STARD5: variants seen among roughly 807,000 people sequenced by gnomAD.
The protein encoded by STARD5 is StAR related lipid transfer domain containing 5, also known as stAR-related lipid transfer protein 5.
STARD5 carries 26 observed loss-of-function variants against 24.6 expected under a neutral mutation model. The ratio of observed to expected loss-of-function variants is 1.06; its 90% CI spans 0.77 to 1.47. STARD5 has a LOEUF of 1.47. Among genes scored for constraint, STARD5 ranks in the 40% most tolerant of loss-of-function variants. The pLI, the probability that STARD5 is intolerant of heterozygous loss-of-function variation, is 0.00. For synonymous variants in STARD5, 101 were observed against 99.7 expected (o/e 1.01, Z -0.07); for missense variants, 254 against 270.8 (o/e 0.94, Z 0.44).
In STARD5 at chr15:81,324,031, G is replaced by A. The variant is rs779975292; in HGVS notation, c.69C>T (p.Asp23=). 1 of 1,603,976 alleles carries A rather than the reference G, an allele frequency of 6.2e-7. No homozygotes were observed. The highest frequency in any genetic ancestry group is 8.5e-7 in the Non-Finnish European group (1 of 1,175,156). The change falls in exon 1 of 6, where the codon GAC becomes GAT. Residue 23 remains aspartate, a synonymous_variant. Transcript: ENST00000302824. ...CCCGGCAAATCTTCCAGCCTGCTGT[G>A]TCCCGCCGGTACTGGAGCATCTTCT... ...VAEKMLQYRR[D]TAGWKICREG... is the part of the protein sequence containing the mutation.
rs143789300 is a variant in STARD5 at position 81,322,860 on chromosome 15, C to T, written c.149+39G>A. 424 of 1,612,716 alleles carry T rather than the reference C, an allele frequency of 2.6e-4. 1 individual carries two copies. In the African/African-American group the frequency reaches 5.0e-3, roughly 19 times the overall value. ...GCCCATAAAGATACCAGGAAGGGTG[C>T]GGCACCTCTGGTAATCTTTGAACGA... On this transcript the variant is annotated intron_variant, in intron 2 of 5. Transcript: ENST00000302824.
At chr15:81,314,904 A>C (rs1467760216) in intron 5 of STARD5, among the ~76,000 whole-genome samples, 1 of 149,848 alleles carries the variant, frequency 6.7e-6, no homozygotes, top group East Asian at 1.9e-4. Context: ...AAAAAAAAAA[A>C]AAAAAAAAAA....
chr15:81,319,310 G>C, intron 4 of STARD5, 29 bp downstream of exon 4: 1 of 1,574,056 alleles, frequency 6.4e-7, no homozygotes, highest in Non-Finnish European at 8.7e-7. Context: ...TCGCAGGAAG[G>C]CATGGCAGCT....
At position 81,313,196 on chromosome 15, in the gene STARD5, C is replaced by T; in HGVS notation, c.*60G>A. ...GCGTGCTCCCAGGCTCCTTGGTGTC[C>T]CAACAGCTGGAGCTCCTCGATGAGT... On this transcript the variant is annotated 3_prime_UTR_variant, in exon 6 of 6. Coordinates refer to ENST00000302824, the MANE Select transcript of STARD5 (RefSeq NM_181900.3). 1.4e-6 allele frequency: 2 copies of T among 1,462,796 alleles called. No individual in the cohort carries two copies. The highest frequency in any genetic ancestry group is 1.8e-6 in the Non-Finnish European group (2 of 1,101,234). The allele number at this position is 1,462,796 out of a possible 1,614,324, so 90.6% of individuals were successfully genotyped here.
intron 5 of STARD5, 141 bp downstream of exon 5, chr15:81,318,268 T>C: frequency 1.5e-6 from 1 of 683,274 alleles, no homozygotes; most frequent in Non-Finnish European, 2.6e-6. Context: ...TGAAAGTATT[T>C]TGTATCGTCA....
rs985012622 is a variant in STARD5, at chr15:81,323,888, C to T, written c.99+113G>A. On this transcript the variant is annotated intron_variant, in intron 1 of 5. Transcript: ENST00000302824. The stretch of plus-strand genomic sequence containing the variant: ...CATTGGAATCCCTCTCAATCGGGTC[C>T]AGGGGATTGGGGAGCAGAAAACAAC... The T allele has an allele frequency of 2.7e-6, 3 of 1,099,190 alleles. No individual in the cohort carries two copies. In the African/African-American group the frequency reaches 4.7e-5, roughly 17 times the overall value. The allele number at this position is 1,099,190 out of a possible 1,614,324, so 68.1% of individuals were successfully genotyped here.
At position 81,313,201 on chromosome 15, in the gene STARD5, A is replaced by G; in HGVS notation, c.*55T>C. On this transcript the variant is annotated 3_prime_UTR_variant, in exon 6 of 6. Coordinates refer to ENST00000302824, the MANE Select transcript of STARD5 (RefSeq NM_181900.3). ...CTCCCAGGCTCCTTGGTGTCCCAAC[A>G]GCTGGAGCTCCTCGATGAGTCACGG... The G allele has an allele frequency of 2.7e-6, 4 of 1,467,956 alleles. No individual in the cohort carries two copies. Among genetic ancestry groups the G allele is most frequent in the Non-Finnish European group, 3.6e-6 (4 of 1,103,748 alleles). The allele number at this position is 1,467,956 out of a possible 1,614,324, so 90.9% of individuals were successfully genotyped here. A position where few individuals can be genotyped will look rare whatever the true frequency, so the allele number is the denominator to read the frequency against.
intron 4 of STARD5, among the ~76,000 whole-genome samples, chr15:81,318,914 G>C (rs376836909): frequency 6.6e-6 from 1 of 152,190 alleles, no homozygotes; most frequent in Non-Finnish European, 1.5e-5. Flanking sequence ...ACTCTCCCGC[G>C]TAGAAGAATT....
rs112269890 is a variant in STARD5 at position 81,320,884 on chromosome 15, C to A, written c.283-1428G>T. On this transcript the variant is annotated intron_variant, in intron 3 of 5. Coordinates refer to ENST00000302824, the MANE Select transcript of STARD5 (RefSeq NM_181900.3). ...ACAGCAGCAGCACATGTCATAAATG[C>A]GACAAACTCATGGCATGGCCCTGTA... is the stretch of plus-strand genomic sequence containing the variant. Among the ~76,000 whole-genome samples, 425 of 152,268 alleles carry A rather than the reference C, an allele frequency of 2.8e-3. 1 individual carries two copies. Among genetic ancestry groups the A allele is most frequent in the African/African-American group, 9.8e-3 (407 of 41,550 alleles).
intron 1 of STARD5, 111 bp downstream of exon 1, chr15:81,323,890 G>T: frequency 8.9e-7 from 1 of 1,126,172 alleles, no homozygotes; most frequent in East Asian, 2.6e-5. Context: ...ATCGGGTCCA[G>T]GGGATTGGGG....
intron 5 of STARD5, among the ~76,000 whole-genome samples, chr15:81,314,903 A>AC (rs1359899108): frequency 3.3e-5 from 5 of 149,744 alleles, no homozygotes; most frequent in African/African-American, 1.2e-4. Flanking sequence ...GAAAAAAAAA[A>AC]AAAAAAAAAA....
chr15:81,316,317 TTACA>T (rs1901082048), intron 5 of STARD5, among the ~76,000 whole-genome samples: 1 of 152,232 alleles, frequency 6.6e-6, no homozygotes, highest in South Asian at 2.1e-4. Flanking sequence ...ATAGAACTAC[TTACA>T]TTTGTGTTTT....
intron 5 of STARD5, among the ~76,000 whole-genome samples, chr15:81,315,649 C>T (rs993059313): frequency 6.6e-6 from 1 of 152,130 alleles, no homozygotes; most frequent in East Asian, 1.9e-4. Flanking sequence ...CCCCGCCCCC[C>T]GCGCCACTTG....
Position 81,318,458 on chromosome 15 carries a change from C to T in STARD5, c.445G>A (p.Val149Met). Reference protein sequence around the residue: ...HPLCPPKPGFVRGFNHPCGCF... With the variant: ...HPLCPPKPGFMRGFNHPCGCF... ...CCACAAGGATGGTTAAATCCTCTCA[C>T]AAAACCTGGCTTCGGGGGACATAAC... The change falls in exon 5 of 6, where the codon GTG (valine) becomes ATG (methionine). Residue 149 changes from valine (V) to methionine (M), a missense_variant. Physicochemically the swap from Val to Met is conservative, Grantham distance 21. Transcript: ENST00000302824. 1 of 1,614,154 alleles carries T rather than the reference C, an allele frequency of 6.2e-7. No individual in the cohort carries two copies. The highest frequency in any genetic ancestry group is 8.5e-7 in the Non-Finnish European group (1 of 1,180,034).
chr15:81,314,985 A>C (rs1901050756), intron 5 of STARD5, among the ~76,000 whole-genome samples: 3 of 151,246 alleles, frequency 2.0e-5, no homozygotes, highest in Admixed American at 2.0e-4. Context: ...GCAGATCCAC[A>C]AGGTGGGAGA....
chr15:81,314,187 T>C (rs1901018063), intron 5 of STARD5: 1 of 151,808 alleles, frequency 6.6e-6, no homozygotes, highest in South Asian at 2.1e-4. Flanking sequence ...CTCAAATATA[T>C]GTAAGGGTAT....
At chr15:81,319,549 G>C in intron 3 of STARD5, 93 bp from the exon 4 acceptor site, 1 of 1,079,334 alleles carries the variant, frequency 9.3e-7, no homozygotes, top group Non-Finnish European at 1.4e-6. Context: ...AAAGGTACTA[G>C]GGCTGACAGT....
intron 3 of STARD5, 70 bp downstream of exon 3, chr15:81,322,338 A>C: frequency 1.3e-6 from 2 of 1,591,006 alleles, no homozygotes; most frequent in Non-Finnish European, 1.7e-6. Flanking sequence ...CCCTTCCAGA[A>C]GAAATGGGAG....
At chr15:81,322,661 C>G in intron 2 of STARD5, 121 bp from the exon 3 acceptor site, 1 of 1,504,796 alleles carries the variant, frequency 6.6e-7, no homozygotes, top group Non-Finnish European at 9.1e-7. Context: ...GACAGACTTG[C>G]AGAGAAGGGG....
Sources: allele counts gnomAD v4.1 joint callset (sites outside exome capture counted in the v4.1 genomes callset), GRCh38; gene constraint gnomAD v4.1.1; transcripts MANE v1.5; gene names NCBI Gene and HGNC (gene_info 2026-07-23, HGNC 2026-07-21).